The following PPP1R14D variants were observed in gnomAD, a reference collection of about 807,000 sequenced individuals.
PPP1R14D encodes protein phosphatase 1 regulatory subunit 14D.
In PPP1R14D, 14 loss-of-function variants were observed where a neutral mutation model predicts 17.1. The ratio of observed to expected loss-of-function variants is 0.82; its 90% confidence interval spans 0.54 to 1.28. The LOEUF (loss-of-function observed/expected upper bound fraction) is 1.28. Among genes scored for constraint, PPP1R14D ranks in the 50% most tolerant of loss-of-function variants. PPP1R14D has a pLI of 0.00. For synonymous variants in PPP1R14D, 67 were observed against 66.1 expected (o/e 1.01, Z -0.06); for missense variants, 173 against 179.2 (o/e 0.97, Z 0.20).
chr15:40,816,268 C>A lies in PPP1R14D; in HGVS notation c.256-15G>T. 6.2e-7 allele frequency: 1 copy of A among 1,610,206 alleles called. No homozygotes were observed. Among genetic ancestry groups the A allele is most frequent in the South Asian group, 1.1e-5 (1 of 91,014 alleles). Reference sequence around the variant, plus strand: ...GTTGCTTGATCCTATTTGGAAATCACATGGGTCTCAGAGGGGCCTGACCAG... The same window carrying A: ...GTTGCTTGATCCTATTTGGAAATCAAATGGGTCTCAGAGGGGCCTGACCAG... On this transcript the variant is annotated splice_polypyrimidine_tract_variant and intron_variant, in intron 1 of 3. Coordinates refer to ENST00000299174, the MANE Select transcript of PPP1R14D (RefSeq NM_017726.8).
intron 1 of PPP1R14D, among the ~76,000 whole-genome samples, chr15:40,821,386 C>G (rs949862966): frequency 2.6e-5 from 4 of 150,980 alleles, no homozygotes; most frequent in Non-Finnish European, 4.4e-5. Context: ...AGAAAAATTG[C>G]ATATTTTAAA....
At position 40,815,753 on chromosome 15, in the gene PPP1R14D, GATAA is replaced by G; in HGVS notation, c.377_380del (p.Phe126SerfsTer36). Reference sequence around the variant, plus strand: ...TCTTGAGTTGACTGAGCAGCTCAGAGATAAAAGCCTGAGGGAGAAACAGGAGTGA... The same window carrying G: ...TCTTGAGTTGACTGAGCAGCTCAGAGAAGCCTGAGGGAGAAACAGGAGTGA... On this transcript the variant is annotated frameshift_variant, in exon 4 of 4. Transcript: ENST00000299174. LOFTEE classifies it high-confidence loss of function. The G allele has an allele frequency of 3.1e-6, 5 of 1,610,456 alleles. No individual in the cohort carries two copies. Among genetic ancestry groups the G allele is most frequent in the Non-Finnish European group, 4.2e-6 (5 of 1,177,838 alleles).
At chr15:40,822,127 T>A (rs762934486) in intron 1 of PPP1R14D, among the ~76,000 whole-genome samples, 3 of 151,720 alleles carry the variant, frequency 2.0e-5, no homozygotes, top group Non-Finnish European at 4.4e-5. Flanking sequence ...TTAAAAAACA[T>A]TTTAAGTTTA....
At chr15:40,818,228 GC>G (rs1890707403) in intron 1 of PPP1R14D, among the ~76,000 whole-genome samples, 1 of 146,836 alleles carries the variant, frequency 6.8e-6, no homozygotes, top group South Asian at 2.2e-4. Flanking sequence ...GGCAGAGCTT[GC>G]AGTGAGCCAA....
chr15:40,822,991 T>G (rs1890806161), intron 1 of PPP1R14D, among the ~76,000 whole-genome samples: 1 of 132,060 alleles, frequency 7.6e-6, no homozygotes, highest in Admixed American at 7.7e-5. Flanking sequence ...TTTTTTACAA[T>G]TTCGCTCTTG....
intron 2 of PPP1R14D, 60 bp from the exon 3 acceptor site, chr15:40,816,054 C>G (rs1407328274): frequency 6.2e-7 from 1 of 1,606,318 alleles, no homozygotes; most frequent in African/African-American, 1.3e-5. Flanking sequence ...CAAGTCCCCA[C>G]CAATCTCCCA....
At chr15:40,825,154 C>T (rs1890849129) in intron 1 of PPP1R14D, among the ~76,000 whole-genome samples, 1 of 151,490 alleles carries the variant, frequency 6.6e-6, no homozygotes, top group Non-Finnish European at 1.5e-5. Context: ...GTGTGGTGGT[C>T]GGCGCCTGTA....
Position 40,816,153 on chromosome 15 carries a change from T to C in PPP1R14D, c.339+17A>G, listed in dbSNP as rs754607846. 6.2e-7 allele frequency: 1 copy of C among 1,613,226 alleles called. No individual in the cohort carries two copies. The highest frequency in any genetic ancestry group is 1.3e-5 in the African/African-American group (1 of 74,884). On this transcript the variant is annotated intron_variant, in intron 2 of 3. Transcript: ENST00000299174. ...GGTTCCCACTGACCCAAGGCCAGCT[T>C]CTAGCCCCCATCCTACCTCCAGCTG...
intron 1 of PPP1R14D, among the ~76,000 whole-genome samples, chr15:40,816,753 T>A (rs796335076): frequency 5.9e-5 from 9 of 151,890 alleles, no homozygotes; most frequent in African/African-American, 2.2e-4. Flanking sequence ...AAGACATCTG[T>A]TAAGGGACTG....
rs530205698 is a variant in PPP1R14D at position 40,825,221 on chromosome 15, G to A, written c.255+3166C>T. Among the ~76,000 whole-genome samples the A allele has an allele frequency of 2.2e-4, 34 of 151,536 alleles. No individual in the cohort carries two copies. In the South Asian group the frequency reaches 6.7e-3, roughly 30 times the overall value. On this transcript the variant is annotated intron_variant, in intron 1 of 3. Coordinates refer to ENST00000299174, the MANE Select transcript of PPP1R14D (RefSeq NM_017726.8). ...AATCACTTGAACCTGGGAGGCGGAG[G>A]TTGCAGTGAGCCAAGGTCATGCCAT...
At chr15:40,815,816 C>CA in intron 3 of PPP1R14D, 55 bp from the exon 4 acceptor site, 1 of 1,491,310 alleles carries the variant, frequency 6.7e-7, no homozygotes, top group Non-Finnish European at 9.2e-7. Context: ...ACCCCCCACC[C>CA]TGCCCTCCCT....
chr15:40,824,025 G>A (rs1206154447), intron 1 of PPP1R14D, among the ~76,000 whole-genome samples: 1 of 149,838 alleles, frequency 6.7e-6, no homozygotes, highest in Non-Finnish European at 1.5e-5. Flanking sequence ...GACTACTACG[G>A]CAACCTGGTG....
chr15:40,828,048 A>C (rs1262769359), intron 1 of PPP1R14D, among the ~76,000 whole-genome samples: 3 of 152,186 alleles, frequency 2.0e-5, no homozygotes, highest in Non-Finnish European at 4.4e-5. Flanking sequence ...AAAGATATAA[A>C]ATTTTGAAAC....
In PPP1R14D at chr15:40,816,190, C is replaced by G; in HGVS notation, c.319G>C (p.Glu107Gln). The change falls in exon 2 of 4, where the codon GAG becomes CAG. Residue 107 changes from glutamate (E) to glutamine (Q), a missense_variant. Glu to Gln is a conservative substitution (Grantham distance 29, BLOSUM62 2). Coordinates refer to ENST00000299174, the MANE Select transcript of PPP1R14D (RefSeq NM_017726.8). ...CCTACCTCCAGCTGAGTCTTCTGCTCCTCTGTGGATAGATCCATGAGAGCT... is the reference window on the plus strand; with the variant it reads ...CCTACCTCCAGCTGAGTCTTCTGCTGCTCTGTGGATAGATCCATGAGAGCT... ...LEALMDLSTE[E>Q]QKTQLEAILG... 6.2e-7 allele frequency: 1 copy of G among 1,614,162 alleles called. No individual in the cohort carries two copies. Among genetic ancestry groups the G allele is most frequent in the Non-Finnish European group, 8.5e-7 (1 of 1,180,018 alleles).
intron 1 of PPP1R14D, among the ~76,000 whole-genome samples, chr15:40,819,790 T>G (rs1362796142): frequency 6.6e-6 from 1 of 152,154 alleles, no homozygotes; most frequent in Non-Finnish European, 1.5e-5. Context: ...GCTATTGTGC[T>G]GGAGGGGTGC....
At chr15:40,827,227 G>T (rs1890882582) in intron 1 of PPP1R14D, among the ~76,000 whole-genome samples, 1 of 152,188 alleles carries the variant, frequency 6.6e-6, no homozygotes, top group Non-Finnish European at 1.5e-5. Context: ...GGCCCATGTT[G>T]GCTGGGTGCG....
chr15:40,815,755 T>C lies in PPP1R14D; in HGVS notation c.379A>G (p.Ile127Val), dbSNP rs748588107. The change falls in exon 4 of 4, where the codon ATC (isoleucine) becomes GTC (valine). Residue 127 changes from isoleucine (I) to valine (V), a missense_variant. By Grantham distance (29) the Ile-to-Val change is conservative. Coordinates refer to ENST00000299174, the MANE Select transcript of PPP1R14D (RefSeq NM_017726.8). ...GNCPRPTEAF[I>V]SELLSQLKKL... ...TTGAGTTGACTGAGCAGCTCAGAGA[T>C]AAAAGCCTGAGGGAGAAACAGGAGT... The C allele has an allele frequency of 6.2e-7, 1 of 1,609,198 alleles. No individual in the cohort carries two copies. The highest frequency in any genetic ancestry group is 8.5e-7 in the Non-Finnish European group (1 of 1,176,978).
At position 40,816,157 on chromosome 15, in the gene PPP1R14D, G is replaced by A. The variant is rs1261405323; in HGVS notation, c.339+13C>T. Reference sequence around the variant, plus strand: ...CCCACTGACCCAAGGCCAGCTTCTAGCCCCCATCCTACCTCCAGCTGAGTC... The same window carrying A: ...CCCACTGACCCAAGGCCAGCTTCTAACCCCCATCCTACCTCCAGCTGAGTC... On this transcript the variant is annotated intron_variant, in intron 2 of 3. Coordinates refer to ENST00000299174, the MANE Select transcript of PPP1R14D (RefSeq NM_017726.8). 1 of 1,613,420 alleles carries A rather than the reference G, an allele frequency of 6.2e-7. No individual in the cohort carries two copies. The highest frequency in any genetic ancestry group is 1.7e-4 in the Middle Eastern group (1 of 6,060).
At chr15:40,822,336 G>A (rs1025810183) in intron 1 of PPP1R14D, among the ~76,000 whole-genome samples, 14 of 150,920 alleles carry the variant, frequency 9.3e-5, no homozygotes, top group Admixed American at 4.0e-4. Context: ...AAAAAAGAAA[G>A]AAAAAAATAT....
Sources: gnomAD v4.1 joint callset for allele counts (sites outside exome capture counted in the v4.1 genomes callset) on GRCh38, gnomAD v4.1.1 for gene constraint, MANE v1.5 for transcripts, NCBI Gene and HGNC (gene_info 2026-07-23, HGNC 2026-07-21) for gene names.